The following ADCY8 variants were observed in gnomAD, a reference collection of about 807,000 sequenced individuals.
The protein encoded by ADCY8 is adenylate cyclase type 8.
A neutral mutation model predicts 119.7 loss-of-function variants in ADCY8; 51 were observed. The observed-to-expected ratio is 0.43, with a 90% CI of 0.34 to 0.54. The LOEUF (loss-of-function observed/expected upper bound fraction) is 0.54, where lower values mean the gene tolerates loss of function less well. ADCY8 is among the 20% of genes least tolerant of loss of function. The pLI is 0.03. For missense variants in ADCY8, 1,383 were observed against 1,598.8 expected (o/e 0.87, Z 2.30); for synonymous variants, 665 against 651.0 (o/e 1.02, Z -0.33).
chr8:130,944,552 A>C (rs999292329), intron 3 of ADCY8, among the ~76,000 whole-genome samples: 1 of 152,170 alleles, frequency 6.6e-6, no homozygotes, highest in Non-Finnish European at 1.5e-5. Flanking sequence ...GAATGTGTTG[A>C]CTTACATCAG....
At chr8:131,035,837 T>C (rs1273483908) in intron 1 of ADCY8, among the ~76,000 whole-genome samples, 2 of 152,174 alleles carry the variant, frequency 1.3e-5, no homozygotes, top group Non-Finnish European at 2.9e-5. Context: ...AGAATGAAGA[T>C]TAATGTGGAG....
intron 1 of ADCY8, among the ~76,000 whole-genome samples, chr8:131,021,580 C>T (rs1040257769): frequency 1.3e-5 from 2 of 152,136 alleles, no homozygotes; most frequent in African/African-American, 4.8e-5. Flanking sequence ...AATCCTCACA[C>T]ATTGTGGGAG....
At chr8:130,879,267 G>A (rs1322678361) in intron 8 of ADCY8, among the ~76,000 whole-genome samples, 1 of 152,180 alleles carries the variant, frequency 6.6e-6, no homozygotes, top group Non-Finnish European at 1.5e-5. Context: ...GTTCCTCAGT[G>A]TGTAAAGAAG....
chr8:130,793,952 T>G (rs745536253), intron 15 of ADCY8, among the ~76,000 whole-genome samples: 8 of 152,156 alleles, frequency 5.3e-5, no homozygotes, highest in Non-Finnish European at 1.2e-4. Flanking sequence ...AGAGTAATTT[T>G]TAAAGCTAAG....
intron 9 of ADCY8, among the ~76,000 whole-genome samples, chr8:130,856,606 T>C (rs1414434748): frequency 6.6e-6 from 1 of 152,192 alleles, no homozygotes; most frequent in African/African-American, 2.4e-5. Context: ...CATTCTTTCC[T>C]GGTATTCTCT....
intron 3 of ADCY8, among the ~76,000 whole-genome samples, chr8:130,948,980 G>T (rs544802839): frequency 6.6e-6 from 1 of 152,308 alleles, no homozygotes; most frequent in East Asian, 1.9e-4. Flanking sequence ...AGAATAGCCC[G>T]GGAGCAACAG....
At chr8:130,790,667 G>T (rs1815396618) in intron 15 of ADCY8, among the ~76,000 whole-genome samples, 1 of 152,140 alleles carries the variant, frequency 6.6e-6, no homozygotes, top group African/African-American at 2.4e-5. Context: ...TTTAGTTCCA[G>T]GTCATCCATT....
intron 14 of ADCY8, among the ~76,000 whole-genome samples, chr8:130,810,402 T>G (rs945895080): frequency 6.8e-6 from 1 of 147,358 alleles, no homozygotes; most frequent in African/African-American, 2.5e-5. Flanking sequence ...CTTGCCATAC[T>G]CCAGAGGTGG....
chr8:131,017,872 G>C (rs1823532039), intron 1 of ADCY8, among the ~76,000 whole-genome samples: 1 of 152,044 alleles, frequency 6.6e-6, no homozygotes, highest in Non-Finnish European at 1.5e-5. Context: ...TTAGCAGCCT[G>C]CTCAGCTCTT....
chr8:131,018,029 G>A (rs916012545), intron 1 of ADCY8, among the ~76,000 whole-genome samples: 2 of 152,114 alleles, frequency 1.3e-5, no homozygotes, highest in African/African-American at 2.4e-5. Context: ...TACAAATGCC[G>A]AGTATAAACA....
chr8:130,964,922 T>G (rs1821717372), intron 2 of ADCY8, among the ~76,000 whole-genome samples: 1 of 152,184 alleles, frequency 6.6e-6, no homozygotes, highest in Non-Finnish European at 1.5e-5. Flanking sequence ...CTCTGGTGAT[T>G]AGTGATGCTG....
chr8:130,907,554 A>G lies in ADCY8; in HGVS notation c.1640+2154T>C, dbSNP rs575937625. On this transcript the variant is annotated intron_variant, in intron 6 of 17. Coordinates refer to ENST00000286355, the MANE Select transcript of ADCY8 (RefSeq NM_001115.3). Reference sequence around the variant, plus strand: ...TTAAGGCGGATAATGTTTTCAGTCCAAAATTACAGTGAAGAAACTGGGAAG... The same window carrying G: ...TTAAGGCGGATAATGTTTTCAGTCCGAAATTACAGTGAAGAAACTGGGAAG... 1.3e-3 allele frequency among the ~76,000 whole-genome samples: 192 copies of G among 152,284 alleles called. 1 individual carries two copies. Among genetic ancestry groups the G allele is most frequent in the Middle Eastern group, 3.4e-3 (1 of 294 alleles).
At position 130,867,936 on chromosome 8, in the gene ADCY8, A is replaced by G; in HGVS notation, c.2120T>C (p.Met707Thr). ...GTTTGACTTGAACACTTCATCCCTC[A>G]TTTGAGAATACTGTAATTAAAAAAA... The part of the protein sequence containing the change: ...DSSLEHKYSQ[M>T]RDEVFKSNLV... Residue 707 changes from methionine to threonine, a missense_variant, in exon 9 of 18, where the codon ATG becomes ACG. Physicochemically the swap from Met to Thr is moderately conservative, Grantham distance 81 (BLOSUM62 -1). Transcript: ENST00000286355. The G allele has an allele frequency of 6.2e-7, 1 of 1,607,132 alleles. No individual in the cohort carries two copies. The highest frequency in any genetic ancestry group is 1.3e-5 in the African/African-American group (1 of 74,902).
At chr8:131,036,518 A>T (rs553000165) in intron 1 of ADCY8, among the ~76,000 whole-genome samples, 1 of 152,306 alleles carries the variant, frequency 6.6e-6, no homozygotes, top group East Asian at 1.9e-4. Context: ...CTACAGGCCG[A>T]GGATAAAATG....
chr8:130,959,510 A>G (rs1163388027), intron 2 of ADCY8, among the ~76,000 whole-genome samples: 1 of 152,264 alleles, frequency 6.6e-6, no homozygotes, highest in East Asian at 1.9e-4. Flanking sequence ...ATTGGTGAAC[A>G]GACCAAGCAA....
intron 5 of ADCY8, among the ~76,000 whole-genome samples, chr8:130,920,195 A>G (rs919469775): frequency 6.6e-6 from 1 of 151,748 alleles, no homozygotes; most frequent in African/African-American, 2.4e-5. Flanking sequence ...ATGTAAACCA[A>G]GTTCTCCTGA....
At chr8:130,948,855 G>C (rs567454806) in intron 3 of ADCY8, among the ~76,000 whole-genome samples, 3 of 152,012 alleles carry the variant, frequency 2.0e-5, no homozygotes, top group African/African-American at 7.2e-5. Flanking sequence ...TCAAGGCTCC[G>C]GTCTTATTTT....
intron 5 of ADCY8, among the ~76,000 whole-genome samples, chr8:130,911,054 TA>T (rs1482713093): frequency 6.6e-6 from 1 of 152,220 alleles, no homozygotes; most frequent in Non-Finnish European, 1.5e-5. Flanking sequence ...AATTTGCTGA[TA>T]TTTTTGTGAT....
intron 2 of ADCY8, among the ~76,000 whole-genome samples, chr8:130,985,976 A>C (rs1237079645): frequency 1.3e-5 from 2 of 152,232 alleles, no homozygotes; most frequent in Admixed American, 1.3e-4. Flanking sequence ...TGATTACCAT[A>C]AGGAGGTTTA....
Sources: gnomAD v4.1 joint callset for allele counts (sites outside exome capture counted in the v4.1 genomes callset) on GRCh38, gnomAD v4.1.1 for gene constraint, MANE v1.5 for transcripts, NCBI Gene and HGNC (gene_info 2026-07-23, HGNC 2026-07-21) for gene names.